Variants in COL6A1 observed in about 807,000 individuals in gnomAD.
The protein encoded by COL6A1 is collagen type VI alpha 1 chain, also known as collagen alpha-1(VI) chain.
COL6A1 carries 80 observed loss-of-function variants against 145.6 expected under a neutral mutation model. The ratio of observed to expected loss-of-function variants is 0.55; its 90% CI spans 0.46 to 0.66. COL6A1 has a LOEUF of 0.66. COL6A1 is among the 30% of genes least tolerant of loss of function. The probability of loss-of-function intolerance (pLI) is 0.00; values close to 1 mark genes in which losing one functional copy is unlikely to be tolerated. For synonymous variants in COL6A1, 638 were observed against 622.8 expected (o/e 1.02, Z -0.36); for missense variants, 1,364 against 1,473.8 (o/e 0.93, Z 1.22).
chr21:45,999,628 A>G, intron 26 of COL6A1, 29 bp from the exon 27 acceptor site: 2 of 1,612,664 alleles, frequency 1.2e-6, no homozygotes, highest in Non-Finnish European at 8.5e-7. Flanking sequence ...CCTCACCCTC[A>G]GAGCTCCTCT....
Position 45,998,941 on chromosome 21 carries a change from C to T in COL6A1, c.1656C>T (p.Ala552=), listed in dbSNP as rs377213930. Residue 552 remains alanine (A), a synonymous_variant, in exon 25 of 35, where the codon GCC becomes GCT. Coordinates refer to ENST00000361866, the MANE Select transcript of COL6A1 (RefSeq NM_001848.3). ...GCCTCAAGGGGGACGAGGGAGAAGCCGGGGACCCCGGAGACGATGTAAGTG... is the reference window on the plus strand; with the variant it reads ...GCCTCAAGGGGGACGAGGGAGAAGCTGGGGACCCCGGAGACGATGTAAGTG... ...YPGLKGDEGE[A]GDPGDDNNDI... is the part of the protein sequence containing the mutation. 158 of 1,554,886 alleles carry T rather than the reference C, an allele frequency of 1.0e-4. No homozygotes were observed. Among genetic ancestry groups the T allele is most frequent in the Non-Finnish European group, 1.3e-4 (148 of 1,148,748 alleles).
chr21:45,999,241 G>A, intron 26 of COL6A1, 23 bp downstream of exon 26: 3 of 1,572,490 alleles, frequency 1.9e-6, no homozygotes, highest in Non-Finnish European at 2.6e-6. Flanking sequence ...GGCTGGGTGA[G>A]GCCACGGTGG....
Position 46,004,511 on chromosome 21 carries a change from T to C in COL6A1, c.*498T>C. ...CTCTCCTCTGTCCCCATAGCTGGTT[T>C]TTCCCACCAATCCTCACCTAACAGT... On this transcript the variant is annotated 3_prime_UTR_variant, in exon 35 of 35. Coordinates refer to ENST00000361866, the MANE Select transcript of COL6A1 (RefSeq NM_001848.3). 3.2e-6 allele frequency: 1 copy of C among 311,540 alleles called. No individual in the cohort carries two copies. The highest frequency in any genetic ancestry group is 6.6e-6 in the Non-Finnish European group (1 of 151,258). 19.3% of individuals were successfully genotyped at this position (311,540 alleles called of 1,614,324 possible).
At chr21:46,001,827 G>A (rs1344601125) in intron 30 of COL6A1, 134 bp from the exon 31 acceptor site, 8 of 746,340 alleles carry the variant, frequency 1.1e-5, no homozygotes, top group Non-Finnish European at 2.3e-6. Flanking sequence ...AGAGCCAATC[G>A]CAGGGGACCC....
rs397751770 is a variant in COL6A1 at position 45,997,524 on chromosome 21, G to GA, written c.1461+41_1461+42insA. On this transcript the variant is annotated intron_variant, in intron 21 of 34. Transcript: ENST00000361866. ...CACCCACACCCGCCCACCCAGGGGG[G>GA]CCTGAGGATCCAGAACCCACTGTCT... 9.4e-6 allele frequency: 15 copies of GA among 1,600,968 alleles called. No homozygotes were observed. The South Asian group carries it at 1.4e-4, about 15-fold the overall frequency.
chr21:45,989,593 C>T lies in COL6A1; in HGVS notation c.859-15C>T, dbSNP rs759271765. On this transcript the variant is annotated splice_polypyrimidine_tract_variant and intron_variant, in intron 9 of 34. Coordinates refer to ENST00000361866, the MANE Select transcript of COL6A1 (RefSeq NM_001848.3). Reference sequence around the variant, plus strand: ...CTCCTCCGGGGGTGTCTCACCATCTCCTCCTGTGTTCCAGGGAAGACCCGG... The same window carrying T: ...CTCCTCCGGGGGTGTCTCACCATCTTCTCCTGTGTTCCAGGGAAGACCCGG... 4.3e-6 allele frequency: 7 copies of T among 1,612,510 alleles called. No homozygotes were observed. Among genetic ancestry groups the T allele is most frequent in the Non-Finnish European group, 5.9e-6 (7 of 1,179,874 alleles).
intron 20 of COL6A1, among the ~76,000 whole-genome samples, chr21:45,995,273 C>T (rs1020388312): frequency 1.3e-5 from 2 of 152,252 alleles, no homozygotes; most frequent in African/African-American, 4.8e-5. Flanking sequence ...TGGGGAAGTG[C>T]ACGGCCTCAG....
In COL6A1 at chr21:45,986,733, C is replaced by T. The variant is rs371721318; in HGVS notation, c.588+48C>T. On this transcript the variant is annotated intron_variant, in intron 4 of 34. Coordinates refer to ENST00000361866, the MANE Select transcript of COL6A1 (RefSeq NM_001848.3). ...AGATGCCCCCAACCACAGGGAGTGGCGGCTGCAAGGCCCCCGGCAGCTGGG... is the reference window on the plus strand; with the variant it reads ...AGATGCCCCCAACCACAGGGAGTGGTGGCTGCAAGGCCCCCGGCAGCTGGG... 9.8e-5 allele frequency: 150 copies of T among 1,534,774 alleles called. No homozygotes were observed. The African/African-American group carries it at 1.6e-3, about 16-fold the overall frequency.
chr21:45,986,826 C>T, intron 4 of COL6A1, 118 bp from the exon 5 acceptor site: 1 of 1,521,034 alleles, frequency 6.6e-7, no homozygotes, highest in Non-Finnish European at 8.8e-7. Flanking sequence ...AGAGGCCAGC[C>T]CCTCCTGCTG....
intron 15 of COL6A1, 26 bp from the exon 16 acceptor site, chr21:45,991,984 T>C (rs1328593377): frequency 3.2e-6 from 5 of 1,561,190 alleles, no homozygotes; most frequent in Non-Finnish European, 4.3e-6. Context: ...CCTGCCAGCG[T>C]GTGTGACTCC....
chr21:45,993,843 CG>C (rs2077790081), intron 19 of COL6A1, among the ~76,000 whole-genome samples: 1 of 152,234 alleles, frequency 6.6e-6, no homozygotes, highest in South Asian at 2.1e-4. Flanking sequence ...TCCAGCTTCC[CG>C]GCGGGCCACA....
At chr21:45,991,639 G>C (rs150463888) in intron 15 of COL6A1, among the ~76,000 whole-genome samples, 3 of 152,286 alleles carry the variant, frequency 2.0e-5, no homozygotes, top group East Asian at 3.9e-4. Flanking sequence ...ATTCCCAGAC[G>C]AGCTCCTAGA....
At chr21:45,999,514 GGAGGAC>G in intron 26 of COL6A1, 137 bp from the exon 27 acceptor site, 1 of 947,730 alleles carries the variant, frequency 1.1e-6, no homozygotes, top group Non-Finnish European at 1.6e-6. Flanking sequence ...CACCGTCACT[GGAGGAC>G]GAGGGGCTGG....
chr21:45,995,224 C>T (rs967952466), intron 20 of COL6A1, among the ~76,000 whole-genome samples: 3 of 152,232 alleles, frequency 2.0e-5, no homozygotes, highest in African/African-American at 4.8e-5. Context: ...TCCTGCGTGC[C>T]GCTCACGGCA....
chr21:45,982,067 A>G, intron 1 of COL6A1, 120 bp downstream of exon 1: 1 of 841,378 alleles, frequency 1.2e-6, no homozygotes, highest in Non-Finnish European at 1.9e-6. Context: ...GAGCCCCTGA[A>G]CCCCACTCCC....
At position 46,004,054 on chromosome 21, in the gene COL6A1, C is replaced by T. The variant is rs768327996; in HGVS notation, c.*41C>T. 3.1e-6 allele frequency: 5 copies of T among 1,611,256 alleles called. No homozygotes were observed. The highest frequency in any genetic ancestry group is 4.2e-6 in the Non-Finnish European group (5 of 1,178,976). ...GGCACCAAACCCTGTCCTCCCACCC[C>T]TCCCCACTCATCACTAAACAGAGTA... On this transcript the variant is annotated 3_prime_UTR_variant, in exon 35 of 35. Transcript: ENST00000361866.
chr21:45,990,360 C>CG lies in COL6A1; in HGVS notation c.958-17dup, dbSNP rs1331053474. The CG allele has an allele frequency of 6.4e-7, 1 of 1,563,940 alleles. No homozygotes were observed. The highest frequency in any genetic ancestry group is 2.4e-5 in the East Asian group (1 of 41,974). On this transcript the variant is annotated splice_polypyrimidine_tract_variant and intron_variant, in intron 12 of 34. Coordinates refer to ENST00000361866, the MANE Select transcript of COL6A1 (RefSeq NM_001848.3). ...CTGACCTGCATCTGACTCCTGCCTTCGTTTTCCCGCCTCACAGGGAGAGAA... is the reference window on the plus strand; with the variant it reads ...CTGACCTGCATCTGACTCCTGCCTTCGGTTTTCCCGCCTCACAGGGAGAGAA...
At chr21:45,990,946 G>T in intron 14 of COL6A1, 33 bp from the exon 15 acceptor site, 1 of 1,613,134 alleles carries the variant, frequency 6.2e-7, no homozygotes, top group Non-Finnish European at 8.5e-7. Context: ...GGTGGCCTCT[G>T]CCGGTGGTGT....
intron 18 of COL6A1, 133 bp downstream of exon 18, chr21:45,992,531 C>G: frequency 8.4e-7 from 1 of 1,194,702 alleles, no homozygotes; most frequent in South Asian, 1.4e-5. Context: ...TTTCTTCACC[C>G]ACACGTCCAG....
Sources: allele counts gnomAD v4.1 joint callset (sites outside exome capture counted in the v4.1 genomes callset), GRCh38; gene constraint gnomAD v4.1.1; transcripts MANE v1.5; gene names NCBI Gene and HGNC (gene_info 2026-07-23, HGNC 2026-07-21).